PPP1R9A: variants seen among roughly 807,000 people sequenced by gnomAD.
The protein encoded by PPP1R9A is protein phosphatase 1 regulatory subunit 9A.
A neutral mutation model predicts 141.9 loss-of-function variants in PPP1R9A; 59 were observed. The ratio of observed to expected loss-of-function variants is 0.42; its 90% CI spans 0.34 to 0.52. The LOEUF is 0.52. PPP1R9A is among the 20% of genes least tolerant of loss of function. The pLI, the probability that PPP1R9A is intolerant of heterozygous loss-of-function variation, is 0.10. For synonymous variants in PPP1R9A, 500 were observed against 569.7 expected, an observed-to-expected ratio of 0.88 and a Z score of 1.74; for missense variants, 1,444 against 1,611.9, an observed-to-expected ratio of 0.90 and a Z score of 1.78.
At chr7:95,131,040 T>C (rs188648019) in intron 4 of PPP1R9A, among the ~76,000 whole-genome samples, 68 of 152,214 alleles carry the variant, frequency 4.5e-4, no homozygotes, top group Middle Eastern at 3.4e-3. Flanking sequence ...GAAGGTGTAA[T>C]TGGTTTTGAA....
chr7:95,086,363 A>G (rs1816635672), intron 2 of PPP1R9A, among the ~76,000 whole-genome samples: 1 of 152,070 alleles, frequency 6.6e-6, no homozygotes, highest in Non-Finnish European at 1.5e-5. Flanking sequence ...TGACACAAAT[A>G]TAAGTAAGCA....
intron 7 of PPP1R9A, among the ~76,000 whole-genome samples, chr7:95,220,257 GT>G (rs1563443290): frequency 6.6e-6 from 1 of 152,074 alleles, no homozygotes; most frequent in East Asian, 1.9e-4. Flanking sequence ...TGAGTTTGAC[GT>G]TTTCCTCCTC....
At chr7:95,225,557 G>A (rs1287540082) in intron 7 of PPP1R9A, among the ~76,000 whole-genome samples, 1 of 152,078 alleles carries the variant, frequency 6.6e-6, no homozygotes, top group Non-Finnish European at 1.5e-5. Context: ...TTCCAACTCT[G>A]TGATTCATTA....
At chr7:95,258,112 A>G (rs1407107441) in intron 12 of PPP1R9A, among the ~76,000 whole-genome samples, 1 of 151,588 alleles carries the variant, frequency 6.6e-6, no homozygotes, top group Non-Finnish European at 1.5e-5. Flanking sequence ...ACAATGGTTG[A>G]ACTAGTTTAC....
chr7:95,084,375 T>C (rs1174486994), intron 2 of PPP1R9A, among the ~76,000 whole-genome samples: 1 of 152,056 alleles, frequency 6.6e-6, no homozygotes, highest in Non-Finnish European at 1.5e-5. Context: ...GAAATTATTT[T>C]TGCCAAGTTT....
intron 2 of PPP1R9A, among the ~76,000 whole-genome samples, chr7:95,010,603 C>T (rs189372770): frequency 3.3e-5 from 5 of 152,172 alleles, no homozygotes; most frequent in Admixed American, 6.5e-5. Context: ...GTGTTTCTAG[C>T]GTAGTTACTC....
chr7:95,276,771 A>G (rs1803282254), intron 16 of PPP1R9A, among the ~76,000 whole-genome samples: 1 of 151,718 alleles, frequency 6.6e-6, no homozygotes, highest in South Asian at 2.1e-4. Context: ...TAGAAGAACA[A>G]GGAAAGAAGA....
At chr7:95,007,141 C>T (rs901943146) in intron 2 of PPP1R9A, among the ~76,000 whole-genome samples, 1 of 152,174 alleles carries the variant, frequency 6.6e-6, no homozygotes, top group Non-Finnish European at 1.5e-5. Flanking sequence ...GGATTACAGG[C>T]GTGAGCCATC....
intron 2 of PPP1R9A, among the ~76,000 whole-genome samples, chr7:95,092,431 T>C (rs1817484867): frequency 6.6e-6 from 1 of 151,734 alleles, no homozygotes; most frequent in Non-Finnish European, 1.5e-5. Flanking sequence ...TTGGATGCCC[T>C]AAATACCAGT....
intron 5 of PPP1R9A, among the ~76,000 whole-genome samples, chr7:95,183,319 T>C (rs1048496767): frequency 2.0e-5 from 3 of 151,900 alleles, no homozygotes; most frequent in African/African-American, 4.8e-5. Context: ...TTTGTATTTT[T>C]AGTAAAGATG....
intron 5 of PPP1R9A, among the ~76,000 whole-genome samples, chr7:95,181,600 A>ATG (rs1446612807): frequency 7.1e-6 from 1 of 140,390 alleles, no homozygotes; most frequent in African/African-American, 2.6e-5. Context: ...TAGAATATAT[A>ATG]TATTCTGTCA....
chr7:95,198,279 T>G, intron 5 of PPP1R9A, 70 bp from the exon 6 acceptor site: 2 of 1,438,072 alleles, frequency 1.4e-6, no homozygotes, highest in Non-Finnish European at 1.9e-6. Context: ...AGATCAAACC[T>G]GTTTACTTTT....
chr7:94,999,160 A>C (rs1802550690), intron 2 of PPP1R9A, among the ~76,000 whole-genome samples: 1 of 152,206 alleles, frequency 6.6e-6, no homozygotes, highest in African/African-American at 2.4e-5. Flanking sequence ...AACTCTAAGT[A>C]GTAGATCATG....
chr7:95,290,860 T>C lies in PPP1R9A; in HGVS notation c.*557T>C, dbSNP rs1159750671. On this transcript the variant is annotated 3_prime_UTR_variant, in exon 20 of 20. Transcript: ENST00000433360. ...CACCCCGCTGTGGAAACATGGGTGC[T>C]CTGCTCTGTAGTTACCTACTAAGGG... The C allele has an allele frequency of 1.3e-5, 2 of 154,554 alleles. No homozygotes were observed. The highest frequency in any genetic ancestry group is 4.8e-5 in the African/African-American group (2 of 41,468). The allele number at this position is 154,554 out of a possible 1,614,324, so 9.6% of individuals were successfully genotyped here.
intron 5 of PPP1R9A, among the ~76,000 whole-genome samples, chr7:95,166,016 G>A (rs1158926880): frequency 6.6e-6 from 1 of 151,954 alleles, no homozygotes; most frequent in Non-Finnish European, 1.5e-5. Flanking sequence ...AGGTGTGGTG[G>A]CACATGCCTG....
At chr7:95,171,594 G>T (rs765750429) in intron 5 of PPP1R9A, among the ~76,000 whole-genome samples, 5 of 151,508 alleles carry the variant, frequency 3.3e-5, no homozygotes, top group Non-Finnish European at 5.9e-5. Flanking sequence ...TAGACTAAAT[G>T]GTTAAATTTT....
intron 3 of PPP1R9A, among the ~76,000 whole-genome samples, chr7:95,112,866 A>G (rs1266708944): frequency 1.3e-5 from 2 of 152,192 alleles, no homozygotes; most frequent in East Asian, 1.9e-4. Context: ...AGTGAGAGCT[A>G]AACAGTGGGT....
In PPP1R9A at chr7:94,947,972, A is replaced by G. The variant is rs529867843; in HGVS notation, c.1395+36464A>G. On this transcript the variant is annotated intron_variant, in intron 2 of 19. Coordinates refer to ENST00000433360, the MANE Select transcript of PPP1R9A (RefSeq NM_001166160.2). ...CCTGAGTGAAATATTGAGTCTGGCC[A>G]TGTGACTAAGTCTGTTTTATTACTC... Among the ~76,000 whole-genome samples, 5 of 152,166 alleles carry G rather than the reference A, an allele frequency of 3.3e-5. No individual in the cohort carries two copies. The East Asian group carries it at 7.8e-4, about 24-fold the overall frequency.
At chr7:94,999,195 A>G (rs1298460874) in intron 2 of PPP1R9A, among the ~76,000 whole-genome samples, 3 of 152,160 alleles carry the variant, frequency 2.0e-5, no homozygotes, top group African/African-American at 7.2e-5. Flanking sequence ...ATTGTTGGGG[A>G]AGTTTCATAT....
Sources: gnomAD v4.1 joint callset for allele counts (sites outside exome capture counted in the v4.1 genomes callset) on GRCh38, gnomAD v4.1.1 for gene constraint, MANE v1.5 for transcripts, NCBI Gene and HGNC (gene_info 2026-07-23, HGNC 2026-07-21) for gene names.